CSGALNACT1: variants seen among roughly 807,000 people sequenced by gnomAD.
CSGALNACT1 encodes the protein chondroitin sulfate N-acetylgalactosaminyltransferase 1.
A neutral mutation model predicts 51.0 loss-of-function variants in CSGALNACT1; 52 were observed. The observed-to-expected ratio is 1.02, with a 90% CI of 0.82 to 1.29. The LOEUF (loss-of-function observed/expected upper bound fraction) is 1.29. Among genes scored for constraint, CSGALNACT1 ranks in the 50% most tolerant of loss-of-function variants. The pLI, the probability that CSGALNACT1 is intolerant of heterozygous loss-of-function variation, is 0.00. For synonymous variants in CSGALNACT1, 341 were observed against 254.4 expected (o/e 1.34, Z -3.24); for missense variants, 935 against 679.2 (o/e 1.38, Z -4.19).
chr8:19,542,772 A>G (rs1366523107), intron 3 of CSGALNACT1, among the ~76,000 whole-genome samples: 1 of 152,186 alleles, frequency 6.6e-6, no homozygotes, highest in Non-Finnish European at 1.5e-5. Flanking sequence ...CACGCAAAAC[A>G]AAACAAGAAG....
At chr8:19,504,185 T>G (rs934943633) in intron 4 of CSGALNACT1, among the ~76,000 whole-genome samples, 10 of 152,154 alleles carry the variant, frequency 6.6e-5, no homozygotes, top group African/African-American at 2.4e-4. Context: ...CACGCCATTC[T>G]CCTGCCTCAG....
At chr8:19,547,203 C>G (rs1193809915) in intron 3 of CSGALNACT1, among the ~76,000 whole-genome samples, 2 of 152,142 alleles carry the variant, frequency 1.3e-5, no homozygotes, top group African/African-American at 4.8e-5. Flanking sequence ...AAAGTCTGCT[C>G]CTCCTTTGCT....
At chr8:19,458,335 G>T in intron 5 of CSGALNACT1, 91 bp downstream of exon 4, 1 of 1,063,684 alleles carries the variant, frequency 9.4e-7, no homozygotes, top group South Asian at 1.3e-5. Flanking sequence ...CTTTGTACTC[G>T]GCAGGGGAAA....
intron 5 of CSGALNACT1, among the ~76,000 whole-genome samples, chr8:19,457,203 T>C (rs2064287293): frequency 6.6e-6 from 1 of 152,242 alleles, no homozygotes; most frequent in African/African-American, 2.4e-5. Flanking sequence ...AACTTAGTTA[T>C]AAGTGGGTTA....
intron 1 of CSGALNACT1, among the ~76,000 whole-genome samples, chr8:19,612,797 A>G (rs986384947): frequency 6.6e-6 from 1 of 151,962 alleles, no homozygotes; most frequent in African/African-American, 2.4e-5. Flanking sequence ...CACTAAAAAC[A>G]CACCATTTTC....
chr8:19,748,048 C>T (rs1386515972), intron 1 of CSGALNACT1, among the ~76,000 whole-genome samples: 1 of 133,820 alleles, frequency 7.5e-6, no homozygotes, highest in African/African-American at 2.9e-5. Flanking sequence ...TAGCCATAAA[C>T]GTACTCAAAA....
chr8:19,507,528 G>GAAAAAAAAAA lies in CSGALNACT1; in HGVS notation c.-296-1408_-296-1399dup, dbSNP rs35759799. On this transcript the variant is annotated intron_variant, in intron 3 of 9. Transcript: ENST00000454498. ...TGTCTTCCCCTACCCATCTTAGCCAGAAAAAAAAAAAAAAAAAAAAAAAAG... is the reference window on the plus strand; with the variant it reads ...TGTCTTCCCCTACCCATCTTAGCCAGAAAAAAAAAAAAAAAAAAAAAAAAAAAAAAAAAAG... Among the ~76,000 whole-genome samples, 166 of 74,838 alleles carry GAAAAAAAAAA rather than the reference G, an allele frequency of 2.2e-3. 3 individuals carry two copies. The highest frequency in any genetic ancestry group is 3.2e-3 in the African/African-American group (58 of 17,972). The allele number at this position is 74,838 out of a possible 152,430, so 49.1% of individuals were successfully genotyped here. A position where few individuals can be genotyped will look rare whatever the true frequency, so the allele number is the denominator to read the frequency against.
intron 2 of CSGALNACT1, among the ~76,000 whole-genome samples, chr8:19,598,855 G>C (rs892360607): frequency 6.6e-6 from 1 of 152,198 alleles, no homozygotes. Context: ...TCAGGTAGGA[G>C]ACATCCCTTT....
intron 6 of CSGALNACT1, among the ~76,000 whole-genome samples, chr8:19,420,995 C>T (rs1322095962): frequency 2.0e-5 from 3 of 152,214 alleles, no homozygotes; most frequent in African/African-American, 7.2e-5. Flanking sequence ...AATCTTTCCT[C>T]CAAACAGATT....
At chr8:19,489,347 TG>T (rs1419993427) in intron 4 of CSGALNACT1, among the ~76,000 whole-genome samples, 2 of 152,206 alleles carry the variant, frequency 1.3e-5, no homozygotes, top group African/African-American at 4.8e-5. Flanking sequence ...ATTGTCATAT[TG>T]TTAGACTTTA....
At chr8:19,528,223 T>G (rs1163084576) in intron 3 of CSGALNACT1, among the ~76,000 whole-genome samples, 1 of 151,824 alleles carries the variant, frequency 6.6e-6, no homozygotes, top group Non-Finnish European at 1.5e-5. Context: ...CCAATATTTG[T>G]GTCTCCATCT....
chr8:19,517,688 A>AGAGCC (rs2079838787), intron 3 of CSGALNACT1, among the ~76,000 whole-genome samples: 1 of 152,186 alleles, frequency 6.6e-6, no homozygotes, highest in African/African-American at 2.4e-5. Flanking sequence ...AGAGAGAATG[A>AGAGCC]GAGCCAAGCC....
intron 1 of CSGALNACT1, among the ~76,000 whole-genome samples, chr8:19,673,910 C>T (rs559873338): frequency 4.4e-4 from 67 of 152,102 alleles, no homozygotes; most frequent in Non-Finnish European, 8.2e-4. Flanking sequence ...ATTCTAGGCA[C>T]CCAAAATATA....
At chr8:19,540,558 G>T (rs958372916) in intron 3 of CSGALNACT1, among the ~76,000 whole-genome samples, 8 of 152,168 alleles carry the variant, frequency 5.3e-5, no homozygotes, top group African/African-American at 1.9e-4. Flanking sequence ...GTAAGAGACT[G>T]GAAGGAAAAG....
chr8:19,531,336 A>G (rs563130645), intron 3 of CSGALNACT1, among the ~76,000 whole-genome samples: 1 of 152,338 alleles, frequency 6.6e-6, no homozygotes, highest in South Asian at 2.1e-4. Context: ...TGTAAGTCAA[A>G]TGGGATGGAC....
At chr8:19,513,647 G>A (rs929152014) in intron 3 of CSGALNACT1, among the ~76,000 whole-genome samples, 1 of 151,898 alleles carries the variant, frequency 6.6e-6, no homozygotes, top group Non-Finnish European at 1.5e-5. Flanking sequence ...TTTTGTTGTT[G>A]TGTGAAGATC....
rs1589742392 is a variant in CSGALNACT1, at chr8:19,732,163, A to G, written c.-297+25687T>C. 2.0e-5 allele frequency among the ~76,000 whole-genome samples: 3 copies of G among 152,342 alleles called. No individual in the cohort carries two copies. The East Asian group carries it at 5.8e-4, about 29-fold the overall frequency. On this transcript the variant is annotated intron_variant, in intron 1 of 1. Transcript: ENST00000517494. ...TTTTTTCTAGAAATTAGTGTGCTTA[A>G]AACGGCACGTTATCAAATAAACTAG...
chr8:19,721,296 C>G (rs2063116444), intron 1 of CSGALNACT1, among the ~76,000 whole-genome samples: 1 of 152,188 alleles, frequency 6.6e-6, no homozygotes, highest in Non-Finnish European at 1.5e-5. Context: ...AGTCCCCAGC[C>G]AAGACCTCAA....
chr8:19,704,251 C>T (rs2062036091), intron 1 of CSGALNACT1, among the ~76,000 whole-genome samples: 1 of 152,172 alleles, frequency 6.6e-6, no homozygotes, highest in African/African-American at 2.4e-5. Flanking sequence ...GGTAACAGGG[C>T]ATTTGAATCA....
Sources: allele counts gnomAD v4.1 joint callset (sites outside exome capture counted in the v4.1 genomes callset), GRCh38; gene constraint gnomAD v4.1.1; transcripts MANE v1.5; gene names NCBI Gene and HGNC (gene_info 2026-07-23, HGNC 2026-07-21).